RGS8: variants seen among roughly 807,000 people sequenced by gnomAD.
The protein encoded by RGS8 is regulator of G protein signaling 8.
Under a neutral mutation model 21.7 loss-of-function variants are expected in RGS8, and 8 were observed. That is an observed-to-expected ratio of 0.37 (90% CI 0.22 to 0.66). The LOEUF (loss-of-function observed/expected upper bound fraction) is 0.66. Among genes scored for constraint, RGS8 ranks in the 30% least tolerant of loss-of-function variants. RGS8 has a pLI of 0.59. For missense variants in RGS8, 157 were observed against 217.9 expected, an observed-to-expected ratio of 0.72 and a Z score of 1.76; for synonymous variants, 80 against 83.6, an observed-to-expected ratio of 0.96 and a Z score of 0.24.
the RGS8 span, among the ~76,000 whole-genome samples, chr1:182,727,492 T>C: frequency 6.6e-6 from 1 of 152,238 alleles, no homozygotes; most frequent in Non-Finnish European, 1.5e-5. Context: ...GACATTCTGC[T>C]CTTTAATCAT....
chr1:182,698,643 C>T, the RGS8 span, among the ~76,000 whole-genome samples: 1 of 152,162 alleles, frequency 6.6e-6, no homozygotes, highest in Non-Finnish European at 1.5e-5. Flanking sequence ...CCACATAGCC[C>T]TTTCCCCAAG....
chr1:182,660,021 G>A (rs1474565153), intron 5 of RGS8, among the ~76,000 whole-genome samples: 4 of 152,114 alleles, frequency 2.6e-5, no homozygotes, highest in African/African-American at 9.7e-5. Context: ...GCTGCCTGTG[G>A]GATCAAGAAG....
the RGS8 span, among the ~76,000 whole-genome samples, chr1:182,746,615 G>A: frequency 1.3e-5 from 2 of 151,568 alleles, no homozygotes; most frequent in Non-Finnish European, 2.9e-5. Context: ...TCGCGCCACT[G>A]CACTCCAGCC....
chr1:182,744,291 A>G, the RGS8 span, among the ~76,000 whole-genome samples: 1 of 144,442 alleles, frequency 6.9e-6, no homozygotes, highest in African/African-American at 2.5e-5. Context: ...CTGGCTAACT[A>G]AAAAAAAAAA....
chr1:182,720,464 G>C, the RGS8 span, among the ~76,000 whole-genome samples: 40 of 152,258 alleles, frequency 2.6e-4, no homozygotes, highest in South Asian at 7.5e-3. Context: ...CTATGGAAGG[G>C]ATAATATCTC....
chr1:182,718,235 C>T, the RGS8 span, among the ~76,000 whole-genome samples: 1 of 152,218 alleles, frequency 6.6e-6, no homozygotes, highest in African/African-American at 2.4e-5. Flanking sequence ...GCAAGCCAGG[C>T]TCTGTGTCCC....
chr1:182,677,369 AT>A (rs1664399695), upstream of RGS8, among the ~76,000 whole-genome samples: 1 of 152,208 alleles, frequency 6.6e-6, no homozygotes, highest in Non-Finnish European at 1.5e-5. Flanking sequence ...CACTTTTATC[AT>A]TATTCGTAGT....
the RGS8 span, among the ~76,000 whole-genome samples, chr1:182,739,748 A>G: frequency 6.6e-6 from 1 of 151,942 alleles, no homozygotes; most frequent in Non-Finnish European, 1.5e-5. Flanking sequence ...TCACCCAGCC[A>G]GCGGGCAGCC....
At chr1:182,711,188 C>A in the RGS8 span, among the ~76,000 whole-genome samples, 7 of 152,196 alleles carry the variant, frequency 4.6e-5, no homozygotes, top group African/African-American at 1.7e-4. Flanking sequence ...TGTACTGAAC[C>A]ACTCCCCTGA....
exon 7 of RGS8, chr1:182,646,452 G>A (rs1662704320): frequency 1.6e-5 from 6 of 373,894 alleles, no homozygotes; most frequent in Non-Finnish European, 2.9e-5. Context: ...TCTCAGCAGA[G>A]GTGACCCAAG....
chr1:182,663,836 T>C (rs781237426), intron 5 of RGS8, among the ~76,000 whole-genome samples: 3 of 152,002 alleles, frequency 2.0e-5, no homozygotes, highest in Non-Finnish European at 4.4e-5. Flanking sequence ...GATAATTTGT[T>C]AGAATTATTA....
chr1:182,725,308 AG>A, the RGS8 span, among the ~76,000 whole-genome samples: 1 of 152,186 alleles, frequency 6.6e-6, no homozygotes. Context: ...GTTGCCATGA[AG>A]TTACTTGTTA....
At chr1:182,747,232 C>T in the RGS8 span, among the ~76,000 whole-genome samples, 1 of 151,482 alleles carries the variant, frequency 6.6e-6, no homozygotes, top group Non-Finnish European at 1.5e-5. Flanking sequence ...CATGTAATTT[C>T]AGCTAAGGTT....
At chr1:182,683,091 C>T (rs936551884) in intron 1 of RGS8, among the ~76,000 whole-genome samples, 2 of 152,212 alleles carry the variant, frequency 1.3e-5, no homozygotes, top group Non-Finnish European at 2.9e-5. Flanking sequence ...GGAGGCTTAC[C>T]TTGACCTGGC....
chr1:182,722,146 G>A, the RGS8 span, among the ~76,000 whole-genome samples: 1 of 151,120 alleles, frequency 6.6e-6, no homozygotes. Flanking sequence ...GAGGAAGAAG[G>A]TAGTTCCAGA....
At chr1:182,681,022 C>A (rs190956145) in intron 1 of RGS8, among the ~76,000 whole-genome samples, 92 of 152,358 alleles carry the variant, frequency 6.0e-4, no homozygotes, top group Non-Finnish European at 5.3e-4. Context: ...GCAATGCCCA[C>A]TTCCTGTGTT....
At chr1:182,716,125 G>GAT in the RGS8 span, among the ~76,000 whole-genome samples, 27 of 147,598 alleles carry the variant, frequency 1.8e-4, no homozygotes, top group Admixed American at 6.7e-4. Flanking sequence ...ACTGTTTTTT[G>GAT]GTTTTTTTTT....
At chr1:182,741,692 A>C in the RGS8 span, among the ~76,000 whole-genome samples, 1 of 91,750 alleles carries the variant, frequency 1.1e-5, no homozygotes, top group Non-Finnish European at 2.4e-5. Context: ...ACTTCCCAGT[A>C]GGGGCGGCCG....
At chr1:182,650,565 T>C (rs1422324979) in intron 5 of RGS8, among the ~76,000 whole-genome samples, 1 of 152,164 alleles carries the variant, frequency 6.6e-6, no homozygotes, top group Admixed American at 6.5e-5. Flanking sequence ...TAAAGTCATT[T>C]TAAAAAGTAG....
Sources: gnomAD v4.1 joint callset for allele counts (sites outside exome capture counted in the v4.1 genomes callset) on GRCh38, gnomAD v4.1.1 for gene constraint, MANE v1.5 for transcripts, NCBI Gene and HGNC (gene_info 2026-07-23, HGNC 2026-07-21) for gene names.